LIAS: variants seen among roughly 807,000 people sequenced by gnomAD.
LIAS encodes lipoic acid synthetase.
A neutral mutation model predicts 49.4 loss-of-function variants in LIAS; 36 were observed. That is an observed-to-expected ratio of 0.73 (90% CI 0.56 to 0.96). The LOEUF (loss-of-function observed/expected upper bound fraction) is 0.96, where lower values mean the gene tolerates loss of function less well. LIAS is among the 40% of genes least tolerant of loss of function. The pLI, the probability that LIAS is intolerant of heterozygous loss-of-function variation, is 0.00. For missense variants in LIAS, 399 were observed against 456.3 expected (o/e 0.87, Z 1.14); for synonymous variants, 145 against 155.8 (o/e 0.93, Z 0.52).
chr4:39,471,707 T>C (rs1274348858), intron 9 of LIAS, among the ~76,000 whole-genome samples: 1 of 151,652 alleles, frequency 6.6e-6, no homozygotes, highest in Non-Finnish European at 1.5e-5. Context: ...TTTTGTAGTT[T>C]TAGAGACAAG....
chr4:39,463,578 A>ATATGCCACCGCCACAGCCACGAT lies in LIAS; in HGVS notation c.367_389dup (p.Leu132ProfsTer9). 1 of 1,612,776 alleles carries ATATGCCACCGCCACAGCCACGAT rather than the reference A, an allele frequency of 6.2e-7. No individual in the cohort carries two copies. The highest frequency in any genetic ancestry group is 8.5e-7 in the Non-Finnish European group (1 of 1,179,252). On this transcript the variant is annotated frameshift_variant, in exon 4 of 11. Coordinates refer to ENST00000640888, the MANE Select transcript of LIAS (RefSeq NM_006859.4). LOFTEE classifies it high-confidence loss of function. ...TTGGAGAGTGTTGGGGAGGTGGAGAATATGCCACCGCCACAGCCACGATCA... is the reference window on the plus strand; with the variant it reads ...TTGGAGAGTGTTGGGGAGGTGGAGAATATGCCACCGCCACAGCCACGATTATGCCACCGCCACAGCCACGATCA...
intron 10 of LIAS, chr4:39,476,300 T>C (rs533613696): frequency 6.6e-6 from 1 of 152,334 alleles, no homozygotes; most frequent in Admixed American, 6.5e-5. Flanking sequence ...TGGAGCAGCA[T>C]GGATTACTTG....
In LIAS at chr4:39,467,789, T is replaced by C. The variant is rs780184089; in HGVS notation, c.737+143T>C. Reference sequence around the variant, plus strand: ...TTTTGTTTTTTAGGCAAACTCAATCTATGTCTCTTACATAAAAATCAGAAA... The same window carrying C: ...TTTTGTTTTTTAGGCAAACTCAATCCATGTCTCTTACATAAAAATCAGAAA... On this transcript the variant is annotated intron_variant, in intron 7 of 10. Coordinates refer to ENST00000640888, the MANE Select transcript of LIAS (RefSeq NM_006859.4). 8 of 696,356 alleles carry C rather than the reference T, an allele frequency of 1.1e-5. No homozygotes were observed. The Middle Eastern group carries it at 2.1e-3, about 186-fold the overall frequency. 43.1% of individuals were successfully genotyped at this position (696,356 alleles called of 1,614,324 possible). A position where few individuals can be genotyped will look rare whatever the true frequency, so the allele number is the denominator to read the frequency against.
chr4:39,463,160 AC>A (rs1431671833), intron 3 of LIAS, among the ~76,000 whole-genome samples: 4 of 148,208 alleles, frequency 2.7e-5, no homozygotes, highest in African/African-American at 1.0e-4. Flanking sequence ...GTGCTGTGGT[AC>A]AATTGCCTTG....
chr4:39,463,912 T>C, intron 4 of LIAS: 1 of 284,022 alleles, frequency 3.5e-6, no homozygotes, highest in East Asian at 8.3e-5. Context: ...GTGTTTTCTG[T>C]TTAACATATT....
chr4:39,468,521 AT>A (rs1195313347), intron 7 of LIAS: 1 of 139,588 alleles, frequency 7.2e-6, no homozygotes, highest in South Asian at 2.3e-4. Flanking sequence ...ATATATATAT[AT>A]TTTTTTATAT....
Position 39,459,155 on chromosome 4 carries a change from G to A in LIAS, c.38G>A (p.Gly13Glu), listed in dbSNP as rs1187910864. ...LRCGDAARTL[G>E]PRVFGRYFCS... ...TGCGGGGATGCAGCCCGCACCCTGG[G>A]GCCCCGGGTGAGCGGCGGGGCGAAC... Residue 13 changes from glycine (G) to glutamate (E), a missense_variant, in exon 1 of 11, where the codon GGG becomes GAG. By Grantham distance (98) the Gly-to-Glu change is moderately conservative. Coordinates refer to ENST00000640888, the MANE Select transcript of LIAS (RefSeq NM_006859.4). 7 of 1,613,176 alleles carry A rather than the reference G, an allele frequency of 4.3e-6. No individual in the cohort carries two copies. Among genetic ancestry groups the A allele is most frequent in the African/African-American group, 1.3e-5 (1 of 74,958 alleles).
chr4:39,459,624 A>G (rs1386150339), intron 1 of LIAS, among the ~76,000 whole-genome samples: 1 of 152,248 alleles, frequency 6.6e-6, no homozygotes, highest in Non-Finnish European at 1.5e-5. Flanking sequence ...ATACATGTGC[A>G]GACTCGTGGA....
At chr4:39,474,354 C>T (rs898847278) in intron 10 of LIAS, among the ~76,000 whole-genome samples, 1 of 151,526 alleles carries the variant, frequency 6.6e-6, no homozygotes, top group Non-Finnish European at 1.5e-5. Context: ...ATTACTTGAG[C>T]CTAGGAGTTC....
At chr4:39,467,119 TAA>T (rs1744786934) in intron 6 of LIAS, 1 of 152,332 alleles carries the variant, frequency 6.6e-6, no homozygotes, top group South Asian at 2.1e-4. Flanking sequence ...AGCAATCAAA[TAA>T]TACTCACATT....
At chr4:39,468,648 G>A (rs1156731047) in intron 7 of LIAS, among the ~76,000 whole-genome samples, 2 of 148,158 alleles carry the variant, frequency 1.3e-5, no homozygotes, top group Admixed American at 1.3e-4. Context: ...GGAGGCCGAG[G>A]CGGGCGGATT....
intron 6 of LIAS, chr4:39,467,112 A>T (rs1744786546): frequency 6.6e-6 from 1 of 152,322 alleles, no homozygotes; most frequent in African/African-American, 2.4e-5. Flanking sequence ...AAATTAAAGC[A>T]ATCAAATAAT....
intron 7 of LIAS, chr4:39,467,870 A>C: frequency 4.1e-6 from 1 of 245,496 alleles, no homozygotes; most frequent in Non-Finnish European, 7.8e-6. Flanking sequence ...CCACCCAGCA[A>C]TATCAGTTAC....
chr4:39,472,060 A>G (rs1416469094), intron 9 of LIAS, among the ~76,000 whole-genome samples: 1 of 151,966 alleles, frequency 6.6e-6, no homozygotes, highest in Non-Finnish European at 1.5e-5. Context: ...CACATTTTGT[A>G]TGTTACATGT....
intron 3 of LIAS, among the ~76,000 whole-genome samples, chr4:39,462,848 G>A (rs770798962): frequency 2.6e-5 from 4 of 152,160 alleles, no homozygotes; most frequent in African/African-American, 4.8e-5. Flanking sequence ...TTAGCTGGGC[G>A]TGGTGGCGTG....
chr4:39,470,984 C>G (rs1744958274), intron 8 of LIAS, among the ~76,000 whole-genome samples: 2 of 152,186 alleles, frequency 1.3e-5, no homozygotes, highest in African/African-American at 4.8e-5. Flanking sequence ...AGCATTGATT[C>G]CATAGTATTA....
chr4:39,461,511 A>C (rs995058701), intron 2 of LIAS, among the ~76,000 whole-genome samples: 1 of 152,230 alleles, frequency 6.6e-6, no homozygotes, highest in Non-Finnish European at 1.5e-5. Flanking sequence ...AATGTAGAGC[A>C]GACAGTGCAC....
intron 3 of LIAS, among the ~76,000 whole-genome samples, chr4:39,462,510 A>G (rs1331200382): frequency 6.6e-6 from 1 of 152,176 alleles, no homozygotes; most frequent in East Asian, 1.9e-4. Context: ...TGTTTGTTTT[A>G]TATTGCAAAT....
chr4:39,472,151 A>G (rs563313372), intron 9 of LIAS, among the ~76,000 whole-genome samples: 1 of 152,262 alleles, frequency 6.6e-6, no homozygotes, highest in African/African-American at 2.4e-5. Context: ...ACACACATAT[A>G]TACACATCTT....
Sources: gnomAD v4.1 joint callset for allele counts (sites outside exome capture counted in the v4.1 genomes callset) on GRCh38, gnomAD v4.1.1 for gene constraint, MANE v1.5 for transcripts, NCBI Gene and HGNC (gene_info 2026-07-23, HGNC 2026-07-21) for gene names.